Variants in TOP1 observed in about 807,000 individuals in gnomAD.
TOP1 encodes DNA topoisomerase I.
In TOP1, 10 loss-of-function variants were observed where a neutral mutation model predicts 111.1. The ratio of observed to expected loss-of-function variants is 0.09; its 90% CI spans 0.06 to 0.15. TOP1 has a LOEUF of 0.15. Ranked by LOEUF, TOP1 falls within the 10% of genes least tolerant of loss-of-function variation. The probability of loss-of-function intolerance (pLI) is 1.00; values close to 1 mark genes in which losing one functional copy is unlikely to be tolerated. For synonymous variants in TOP1, 271 were observed against 302.9 expected (o/e 0.89, Z 1.10); for missense variants, 474 against 926.7 (o/e 0.51, Z 6.34).
chr20:41,091,552 C>CTTTTTTTT (rs532948716), intron 8 of TOP1, among the ~76,000 whole-genome samples: 12 of 96,208 alleles, frequency 1.2e-4, no homozygotes, highest in East Asian at 1.1e-3. Context: ...AATTATTAAC[C>CTTTTTTTT]TTTTTTTTTT....
chr20:41,038,992 CAAAA>C (rs879288677), intron 2 of TOP1, among the ~76,000 whole-genome samples: 1 of 125,820 alleles, frequency 7.9e-6, no homozygotes, highest in African/African-American at 3.0e-5. Flanking sequence ...GACCCTGTCT[CAAAA>C]AAAAAAAAAA....
At chr20:41,113,855 C>A in intron 14 of TOP1, 115 bp from the exon 15 acceptor site, 1 of 853,736 alleles carries the variant, frequency 1.2e-6, no homozygotes, top group Non-Finnish European at 1.7e-6. Context: ...TGCACTCTAG[C>A]CTGGCGACAG....
At position 41,082,881 on chromosome 20, in the gene TOP1, C is replaced by CT. The variant is rs1236603802; in HGVS notation, c.508-1580dup. ...ATTGCATTTATGCAAAAATAATACT[C>CT]TGAGTTTGTTAAACCATTGGGAAAA... On this transcript the variant is annotated intron_variant, in intron 7 of 20. Transcript: ENST00000361337. The surrounding 1 kb of genome is among the most constrained non-coding windows in gnomAD (Gnocchi z 4.1). 3.3e-5 allele frequency among the ~76,000 whole-genome samples: 5 copies of CT among 151,436 alleles called. No individual in the cohort carries two copies. Among genetic ancestry groups the CT allele is most frequent in the African/African-American group, 7.3e-5 (3 of 41,240 alleles).
chr20:41,036,190 A>G (rs1454772934), intron 2 of TOP1, among the ~76,000 whole-genome samples: 1 of 152,008 alleles, frequency 6.6e-6, no homozygotes, highest in Non-Finnish European at 1.5e-5. Context: ...CTTGGTCCAG[A>G]TTCTGGAAAC....
chr20:41,057,136 T>C (rs918844951), intron 2 of TOP1, among the ~76,000 whole-genome samples: 1 of 151,986 alleles, frequency 6.6e-6, no homozygotes, highest in Non-Finnish European at 1.5e-5. Flanking sequence ...CATGGCGGCA[T>C]GCACCTGTAG....
chr20:41,042,716 T>C (rs1263252240), intron 2 of TOP1, among the ~76,000 whole-genome samples: 2 of 152,316 alleles, frequency 1.3e-5, no homozygotes, highest in East Asian at 1.9e-4. Context: ...GTTATAACTT[T>C]TGACTCCTCG....
chr20:41,112,708 G>A lies in TOP1; in HGVS notation c.1309-74G>A. ...TGGGATTATAGGCTTGCGCCACCTT[G>A]CCTGGCTATATTCAAAGTCTGTCTT... On this transcript the variant is annotated intron_variant, in intron 13 of 20. Transcript: ENST00000361337. The surrounding 1 kb of genome is among the most constrained non-coding windows in gnomAD (Gnocchi z 5.8). The A allele has an allele frequency of 6.5e-7, 1 of 1,528,450 alleles. No homozygotes were observed. 94.7% of individuals were successfully genotyped at this position (1,528,450 alleles called of 1,614,324 possible). A position where few individuals can be genotyped will look rare whatever the true frequency, so the allele number is the denominator to read the frequency against.
At chr20:41,066,639 C>G (rs1322896168) in intron 3 of TOP1, among the ~76,000 whole-genome samples, 1 of 149,870 alleles carries the variant, frequency 6.7e-6, no homozygotes, top group Non-Finnish European at 1.5e-5. Context: ...ACTGCATCCT[C>G]CGCCTCCCGG....
Position 41,029,616 on chromosome 20 carries a change from C to A in TOP1, c.58+161C>A, listed in dbSNP as rs1790473015. 1.5e-6 allele frequency: 1 copy of A among 687,912 alleles called. No individual in the cohort carries two copies. Among genetic ancestry groups the A allele is most frequent in the Non-Finnish European group, 2.6e-6 (1 of 383,436 alleles). 42.6% of individuals were successfully genotyped at this position (687,912 alleles called of 1,614,324 possible). ...GTTCCCATCGGGCCGCCTCTTGACC[C>A]CCTTTCCGGGGACCCCAGCTCCTCC... On this transcript the variant is annotated intron_variant, in intron 2 of 20. Coordinates refer to ENST00000361337, the MANE Select transcript of TOP1 (RefSeq NM_003286.4). This position sits in a 1 kb window ranked among gnomAD's most constrained non-coding sequence, Gnocchi z 6.1.
chr20:41,041,509 A>G (rs1261165492), intron 2 of TOP1, among the ~76,000 whole-genome samples: 4 of 151,956 alleles, frequency 2.6e-5, no homozygotes. Flanking sequence ...CTTTTACCAA[A>G]TGTTTCAGTT....
chr20:41,099,351 T>A (rs1219889161), intron 11 of TOP1, among the ~76,000 whole-genome samples: 1 of 152,208 alleles, frequency 6.6e-6, no homozygotes, highest in African/African-American at 2.4e-5. Context: ...TTTGGAGCTT[T>A]GTTCTTAGAA....
At chr20:41,108,748 C>G (rs2034187880) in intron 13 of TOP1, among the ~76,000 whole-genome samples, 1 of 152,152 alleles carries the variant, frequency 6.6e-6, no homozygotes, top group Admixed American at 6.5e-5. Flanking sequence ...CTTCTGGAAC[C>G]TGCAGTTTCA....
intron 14 of TOP1, among the ~76,000 whole-genome samples, chr20:41,113,715 CA>C (rs987087793): frequency 0.024 from 2,456 of 103,612 alleles, 22 homozygotes; most frequent in African/African-American, 0.035. Flanking sequence ...ACTAAAAATA[CA>C]AAAAAAAAAA....
rs1355406256 is a variant in TOP1 at position 41,058,892 on chromosome 20, T to G, written c.59-2502T>G. 6.6e-6 allele frequency among the ~76,000 whole-genome samples: 1 copy of G among 152,044 alleles called. No homozygotes were observed. The highest frequency in any genetic ancestry group is 1.5e-5 in the Non-Finnish European group (1 of 68,008). ...AAAAATAATGCTAGGCTATTCACAG[T>G]AGCAGAAACATGGAATCAACCTCAA... is the stretch of plus-strand genomic sequence containing the variant. On this transcript the variant is annotated intron_variant, in intron 2 of 20. Transcript: ENST00000361337. The surrounding 1 kb of genome is among the most constrained non-coding windows in gnomAD (Gnocchi z 4.2).
In TOP1 at chr20:41,106,517, A is replaced by G. The variant is rs2034147810; in HGVS notation, c.1308+5164A>G. On this transcript the variant is annotated intron_variant, in intron 13 of 20. Coordinates refer to ENST00000361337, the MANE Select transcript of TOP1 (RefSeq NM_003286.4). The surrounding 1 kb of genome is among the most constrained non-coding windows in gnomAD (Gnocchi z 4.3). ...TATTGACAATACAATTGAGTTTCCAATTCACGAACATGTTATACCTCTCCA... is the reference window on the plus strand; with the variant it reads ...TATTGACAATACAATTGAGTTTCCAGTTCACGAACATGTTATACCTCTCCA... 6.6e-6 allele frequency among the ~76,000 whole-genome samples: 1 copy of G among 152,220 alleles called. No homozygotes were observed. The highest frequency in any genetic ancestry group is 2.4e-5 in the African/African-American group (1 of 41,462).
rs564721779 is a variant in TOP1 at position 41,092,787 on chromosome 20, G to C, written c.730+200G>C. On this transcript the variant is annotated intron_variant, in intron 9 of 20. Coordinates refer to ENST00000361337, the MANE Select transcript of TOP1 (RefSeq NM_003286.4). The surrounding 1 kb of genome is among the most constrained non-coding windows in gnomAD (Gnocchi z 4.3). ...GCTGCTGAAAAAGTGCCATGGAAAAGGGGCTATTCATGTCTTCCCTACATA... is the reference window on the plus strand; with the variant it reads ...GCTGCTGAAAAAGTGCCATGGAAAACGGGCTATTCATGTCTTCCCTACATA... Among the ~76,000 whole-genome samples, 8 of 152,308 alleles carry C rather than the reference G, an allele frequency of 5.3e-5. No individual in the cohort carries two copies. Among genetic ancestry groups the C allele is most frequent in the Non-Finnish European group, 1.2e-4 (8 of 68,030 alleles).
rs117043460 is a variant in TOP1, at chr20:41,082,190, T to A, written c.507+950T>A. Among the ~76,000 whole-genome samples, 121 of 152,296 alleles carry A rather than the reference T, an allele frequency of 7.9e-4. No homozygotes were observed. In the East Asian group the frequency reaches 0.021, roughly 27 times the overall value. On this transcript the variant is annotated intron_variant, in intron 7 of 20. Transcript: ENST00000361337. This position sits in a 1 kb window ranked among gnomAD's most constrained non-coding sequence, Gnocchi z 4.1. Reference sequence around the variant, plus strand: ...GGATCACAAATGTAAAGTGGACAGTTTGAAGTACCAGCAGTAAAGAGAATG... The same window carrying A: ...GGATCACAAATGTAAAGTGGACAGTATGAAGTACCAGCAGTAAAGAGAATG...
At position 41,058,825 on chromosome 20, in the gene TOP1, G is replaced by A. The variant is rs1278473983; in HGVS notation, c.59-2569G>A. On this transcript the variant is annotated intron_variant, in intron 2 of 20. Coordinates refer to ENST00000361337, the MANE Select transcript of TOP1 (RefSeq NM_003286.4). The surrounding 1 kb of genome is among the most constrained non-coding windows in gnomAD (Gnocchi z 4.2). ...TAGACCTATAATTATATGACCGCTCGAAAACGCCAAGACAATTTAATGGGG... is the reference window on the plus strand; with the variant it reads ...TAGACCTATAATTATATGACCGCTCAAAAACGCCAAGACAATTTAATGGGG... 6.6e-5 allele frequency among the ~76,000 whole-genome samples: 10 copies of A among 152,048 alleles called. No homozygotes were observed. Among genetic ancestry groups the A allele is most frequent in the African/African-American group, 1.9e-4 (8 of 41,372 alleles).
chr20:41,099,305 T>C (rs1210638465), intron 11 of TOP1, among the ~76,000 whole-genome samples: 3 of 152,180 alleles, frequency 2.0e-5, no homozygotes, highest in Admixed American at 6.5e-5. Flanking sequence ...TAGTATATTA[T>C]TTACTTCAGG....
Sources: allele counts gnomAD v4.1 joint callset (sites outside exome capture counted in the v4.1 genomes callset), GRCh38; gene constraint gnomAD v4.1.1; non-coding constraint Gnocchi (gnomAD v3.1); transcripts MANE v1.5; gene names NCBI Gene and HGNC (gene_info 2026-07-23, HGNC 2026-07-21).